RALGAPB: variants seen among roughly 807,000 people sequenced by gnomAD.
RALGAPB encodes ral GTPase-activating protein subunit beta.
RALGAPB carries 25 observed loss-of-function variants against 161.1 expected under a neutral mutation model. The observed-to-expected ratio is 0.16, with a 90% CI of 0.11 to 0.22. The LOEUF (loss-of-function observed/expected upper bound fraction) is 0.22, where lower values mean the gene tolerates loss of function less well. Ranked by LOEUF, RALGAPB falls within the 10% of genes least tolerant of loss-of-function variation. The pLI is 1.00. For missense variants in RALGAPB, 1,391 were observed against 1,815.2 expected (o/e 0.77, Z 4.25); for synonymous variants, 629 against 626.1 (o/e 1.00, Z -0.07).
chr20:38,502,000 T>C (rs547686939), intron 5 of RALGAPB, among the ~76,000 whole-genome samples: 1 of 152,318 alleles, frequency 6.6e-6, no homozygotes, highest in East Asian at 1.9e-4. Context: ...TTAAAACTTA[T>C]GCATACAAAT....
At chr20:38,499,344 T>A (rs1366243718) in intron 4 of RALGAPB, 103 bp from the exon 5 acceptor site, 1 of 1,052,194 alleles carries the variant, frequency 9.5e-7, no homozygotes, top group Non-Finnish European at 1.4e-6. Context: ...AACTTAATAT[T>A]GCACTTATTT....
At position 38,562,109 on chromosome 20, in the gene RALGAPB, T is replaced by C. The variant is rs1172998282; in HGVS notation, c.3532-423T>C. Among the ~76,000 whole-genome samples, 4 of 152,356 alleles carry C rather than the reference T, an allele frequency of 2.6e-5. No homozygotes were observed. The East Asian group carries it at 5.8e-4, about 22-fold the overall frequency. On this transcript the variant is annotated intron_variant, in intron 23 of 29. Transcript: ENST00000262879. ...TTGAATTTTAGTAGATTTTATAGCA[T>C]TTATCAAGATTTATAGTTAAATAAT...
chr20:38,493,061 G>T lies in RALGAPB; in HGVS notation c.318G>T (p.Leu106Phe). Residue 106 changes from leucine to phenylalanine, a missense_variant, in exon 3 of 30, where the codon TTG becomes TTT. Transcript: ENST00000262879. ...TGTTGCCAAAAGATTCTATTCCATT[G>T]CCAGTTATTAAAGAGCCTAATCAAT... ...ALVLPKDSIP[L>F]PVIKEPNQYV... 1 of 1,611,976 alleles carries T rather than the reference G, an allele frequency of 6.2e-7. No individual in the cohort carries two copies. The highest frequency in any genetic ancestry group is 1.1e-5 in the South Asian group (1 of 91,042).
chr20:38,577,253 G>A lies in RALGAPB; in HGVS notation c.*2286G>A, dbSNP rs1290343242. 1 of 152,174 alleles carries A rather than the reference G, an allele frequency of 6.6e-6. No individual in the cohort carries two copies. The highest frequency in any genetic ancestry group is 1.5e-5 in the Non-Finnish European group (1 of 68,038). 9.4% of individuals were successfully genotyped at this position (152,174 alleles called of 1,614,324 possible). ...AGCTCTTTCACTAGTATGGATTTGA[G>A]TTCATGGTCACTATTTTTACCCACC... On this transcript the variant is annotated 3_prime_UTR_variant, in exon 30 of 30. Coordinates refer to ENST00000262879, the MANE Select transcript of RALGAPB (RefSeq NM_020336.4).
rs140048447 is a variant in RALGAPB at position 38,563,447 on chromosome 20, A to G, written c.3697+750A>G. Among the ~76,000 whole-genome samples, 645 of 152,354 alleles carry G rather than the reference A, an allele frequency of 4.2e-3. 3 individuals are homozygous for G. Among genetic ancestry groups the G allele is most frequent in the African/African-American group, 0.015 (611 of 41,582 alleles). On this transcript the variant is annotated intron_variant, in intron 24 of 29. Transcript: ENST00000262879. The stretch of plus-strand genomic sequence containing the variant: ...GATATTATACCAAAACCTTTGTAGT[A>G]AACAGCTGACCATCTCTGAGGATTC...
chr20:38,482,405 T>C (rs2084994085), intron 1 of RALGAPB, among the ~76,000 whole-genome samples: 1 of 151,030 alleles, frequency 6.6e-6, no homozygotes, highest in African/African-American at 2.4e-5. Flanking sequence ...TTCTAATCTT[T>C]AGTCACAGCT....
chr20:38,536,451 G>A (rs2086808897), intron 16 of RALGAPB, among the ~76,000 whole-genome samples: 2 of 152,162 alleles, frequency 1.3e-5, no homozygotes, highest in Admixed American at 6.5e-5. Flanking sequence ...ACATGTATTT[G>A]TTTGAATACC....
In RALGAPB at chr20:38,517,586, A is replaced by G; in HGVS notation, c.1132A>G (p.Thr378Ala). ...TATGCCTCAAAGTGCTGCTGTCAGTACCACCCCCCCACATAACCGGAGGCA... is the reference window on the plus strand; with the variant it reads ...TATGCCTCAAAGTGCTGCTGTCAGTGCCACCCCCCCACATAACCGGAGGCA... ...LSMPQSAAVS[T>A]TPPHNRRHRA... Residue 378 changes from threonine to alanine, a missense_variant, in exon 8 of 30, where the codon ACC becomes GCC. Transcript: ENST00000262879. The G allele has an allele frequency of 6.2e-7, 1 of 1,613,616 alleles. No individual in the cohort carries two copies. The highest frequency in any genetic ancestry group is 1.1e-5 in the South Asian group (1 of 91,034).
intron 18 of RALGAPB, among the ~76,000 whole-genome samples, chr20:38,543,619 C>T (rs940524353): frequency 2.0e-5 from 3 of 152,282 alleles, no homozygotes; most frequent in Middle Eastern, 3.4e-3. Context: ...TCTTTTCCAC[C>T]ACTGCTTTGC....
chr20:38,574,689 G>T, intron 29 of RALGAPB, 85 bp from the exon 30 acceptor site: 1 of 1,318,820 alleles, frequency 7.6e-7, no homozygotes, highest in Non-Finnish European at 1.1e-6. Flanking sequence ...TTGAGTATGC[G>T]GAGAATAGTT....
In RALGAPB at chr20:38,539,682, A is replaced by G. The variant is rs576527378; in HGVS notation, c.2380-94A>G. On this transcript the variant is annotated intron_variant, in intron 16 of 29. Transcript: ENST00000262879. ...AGCAAGGCTTCCTGTAGTGTATGAC[A>G]TTGTCAAATAGGTCAAGCTTCAGTG... The G allele has an allele frequency of 2.5e-5, 30 of 1,201,620 alleles. No homozygotes were observed. In the East Asian group the frequency reaches 5.4e-4, roughly 22 times the overall value. 74.4% of individuals were successfully genotyped at this position (1,201,620 alleles called of 1,614,324 possible).
intron 6 of RALGAPB, 151 bp downstream of exon 6, chr20:38,509,359 C>T (rs1177833701): frequency 1.2e-6 from 1 of 859,846 alleles, no homozygotes; most frequent in Non-Finnish European, 1.8e-6. Flanking sequence ...ACATTTCTGT[C>T]CTGTGCCTCC....
chr20:38,546,014 G>C (rs986798002), intron 18 of RALGAPB, among the ~76,000 whole-genome samples: 2 of 152,132 alleles, frequency 1.3e-5, no homozygotes, highest in Non-Finnish European at 2.9e-5. Context: ...AAATGTCTCT[G>C]AAATAAAGAC....
At chr20:38,525,301 T>A in intron 11 of RALGAPB, 103 bp from the exon 12 acceptor site, 1 of 780,394 alleles carries the variant, frequency 1.3e-6, no homozygotes, top group South Asian at 1.5e-5. Flanking sequence ...AATATACAAA[T>A]ACACAATGCT....
rs569853576 is a variant in RALGAPB, at chr20:38,539,786, T to C, written c.2390T>C (p.Met797Thr). ...AATGAATATGCTCAGGTAAAAGTGA[T>C]GGTTGACTCAGGAGACCGGAAGCGA... Reference protein sequence around the residue: ...LLSGLAKVKVMVDSGDRKRAI... With the variant: ...LLSGLAKVKVTVDSGDRKRAI... Residue 797 changes from methionine (M) to threonine (T), a missense_variant, in exon 17 of 30, where the codon ATG becomes ACG. By Grantham distance (81) the Met-to-Thr change is moderately conservative. This residue lies in a region of RALGAPB where 946 missense variants were observed against 1,257.2 expected (regional missense o/e 0.75). Coordinates refer to ENST00000262879, the MANE Select transcript of RALGAPB (RefSeq NM_020336.4). The C allele has an allele frequency of 8.1e-6, 13 of 1,613,296 alleles. No individual in the cohort carries two copies. The highest frequency in any genetic ancestry group is 1.7e-5 in the Admixed American group (1 of 59,886).
intron 18 of RALGAPB, among the ~76,000 whole-genome samples, chr20:38,546,008 GTC>G (rs2087150110): frequency 6.6e-6 from 1 of 152,156 alleles, no homozygotes; most frequent in South Asian, 2.1e-4. Context: ...CAGATTAAAT[GTC>G]TCTGAAATAA....
rs2088176697 is a variant in RALGAPB, at chr20:38,570,088, G to A, written c.4063+92G>A. The A allele has an allele frequency of 3.0e-5, 31 of 1,024,356 alleles. No homozygotes were observed. In the South Asian group the frequency reaches 3.8e-4, roughly 12 times the overall value. 63.5% of individuals were successfully genotyped at this position (1,024,356 alleles called of 1,614,324 possible). A position where few individuals can be genotyped will look rare whatever the true frequency, so the allele number is the denominator to read the frequency against. On this transcript the variant is annotated intron_variant, in intron 27 of 29. Coordinates refer to ENST00000262879, the MANE Select transcript of RALGAPB (RefSeq NM_020336.4). ...CAGGGAGTGGGCACATAAGCCTGGTGTGGCCAGGAGCTAGTCCTGGAGTTC... is the reference window on the plus strand; with the variant it reads ...CAGGGAGTGGGCACATAAGCCTGGTATGGCCAGGAGCTAGTCCTGGAGTTC...
rs151266019 is a variant in RALGAPB at position 38,495,397 on chromosome 20, T to G, written c.390-1956T>G. ...CTATACTGTACTTTAGAAAAACATA[T>G]TATTGTTCTGAAGCAGGGTTAGCAA... is the stretch of plus-strand genomic sequence containing the variant. On this transcript the variant is annotated intron_variant, in intron 3 of 29. Coordinates refer to ENST00000262879, the MANE Select transcript of RALGAPB (RefSeq NM_020336.4). Among the ~76,000 whole-genome samples the G allele has an allele frequency of 2.0e-5, 3 of 152,342 alleles. No individual in the cohort carries two copies. In the South Asian group the frequency reaches 6.2e-4, roughly 32 times the overall value.
At chr20:38,536,057 G>A (rs2145362949) in intron 16 of RALGAPB, among the ~76,000 whole-genome samples, 1 of 152,320 alleles carries the variant, frequency 6.6e-6, no homozygotes, top group East Asian at 1.9e-4. Flanking sequence ...CATTCACAAT[G>A]TTGAGCAACT....
Sources: allele counts gnomAD v4.1 joint callset (sites outside exome capture counted in the v4.1 genomes callset), GRCh38; gene constraint gnomAD v4.1.1; regional missense constraint gnomAD v4.1.1; transcripts MANE v1.5; gene names NCBI Gene and HGNC (gene_info 2026-07-23, HGNC 2026-07-21).